TENM3: variants seen among roughly 807,000 people sequenced by gnomAD.
The protein encoded by TENM3 is teneurin transmembrane protein 3, also known as teneurin-3.
Under a neutral mutation model 255.1 loss-of-function variants are expected in TENM3, and 63 were observed. That is an observed-to-expected ratio of 0.25 (90% CI 0.20 to 0.30). The LOEUF (loss-of-function observed/expected upper bound fraction) is 0.30. Ranked by LOEUF, TENM3 falls within the 10% of genes least tolerant of loss-of-function variation. The pLI, the probability that TENM3 is intolerant of heterozygous loss-of-function variation, is 1.00. For missense variants in TENM3, 2,929 were observed against 3,461.1 expected, an observed-to-expected ratio of 0.85 and a Z score of 3.86; for synonymous variants, 1,306 against 1,322.3, an observed-to-expected ratio of 0.99 and a Z score of 0.27.
chr4:182,133,499 T>G, the TENM3 span, among the ~76,000 whole-genome samples: 2 of 152,310 alleles, frequency 1.3e-5, no homozygotes, highest in South Asian at 4.1e-4. Flanking sequence ...AATACATATT[T>G]AAAGGTTCAT....
chr4:182,681,878 T>A lies in TENM3; in HGVS notation c.1899T>A (p.Ser633Arg). Reference sequence around the variant, plus strand: ...GTATCCACGGGGAATGTCACTGCAGTCCAGGATGGGGAGGTAGCAATTGTG... The same window carrying A: ...GTATCCACGGGGAATGTCACTGCAGACCAGGATGGGGAGGTAGCAATTGTG... ...GVCIHGECHC[S>R]PGWGGSNCEI... Residue 633 changes from serine (S) to arginine (R), a missense_variant, in exon 11 of 28, where the codon AGT (serine) becomes AGA (arginine). Transcript: ENST00000511685. 3.1e-6 allele frequency: 5 copies of A among 1,613,924 alleles called. No homozygotes were observed. Among genetic ancestry groups the A allele is most frequent in the Non-Finnish European group, 3.4e-6 (4 of 1,179,840 alleles).
At chr4:182,040,952 GAGAAACTCA>G in the TENM3 span, among the ~76,000 whole-genome samples, 1 of 152,156 alleles carries the variant, frequency 6.6e-6, no homozygotes, top group Admixed American at 6.6e-5. Context: ...TTGCTAAAAT[GAGAAACTCA>G]AGGCATTGAT....
chr4:182,593,717 C>G (rs1746898857), intron 3 of TENM3, among the ~76,000 whole-genome samples: 1 of 152,208 alleles, frequency 6.6e-6, no homozygotes, highest in South Asian at 2.1e-4. Context: ...CCACTCTCCT[C>G]CTTTCCTCTC....
At chr4:181,809,818 A>G in the TENM3 span, among the ~76,000 whole-genome samples, 1 of 152,118 alleles carries the variant, frequency 6.6e-6, no homozygotes, top group Admixed American at 6.6e-5. Context: ...AGGTTATGTG[A>G]GAAGCAGAGA....
the TENM3 span, among the ~76,000 whole-genome samples, chr4:181,853,457 A>G: frequency 6.6e-6 from 1 of 152,194 alleles, no homozygotes; most frequent in Non-Finnish European, 1.5e-5. Context: ...TTGCAACCTA[A>G]TCGTAATTCA....
chr4:182,208,962 CT>C (rs1033277692), intron 1 of TENM3, among the ~76,000 whole-genome samples: 2 of 150,198 alleles, frequency 1.3e-5, no homozygotes, highest in Admixed American at 6.6e-5. Context: ...AGCTGTCCCT[CT>C]TTTTTTTTGT....
the TENM3 span, among the ~76,000 whole-genome samples, chr4:181,547,826 CTTTAAG>C: frequency 1.3e-5 from 2 of 151,006 alleles, no homozygotes; most frequent in African/African-American, 4.9e-5. Context: ...TTTTATTATA[CTTTAAG>C]TTTTAGGGTA....
intron 3 of TENM3, among the ~76,000 whole-genome samples, chr4:182,500,446 T>C (rs1736201742): frequency 6.6e-6 from 1 of 152,168 alleles, no homozygotes; most frequent in South Asian, 2.1e-4. Context: ...CAGTGAGATA[T>C]ATTTCATTTT....
intron 5 of TENM3, among the ~76,000 whole-genome samples, chr4:182,644,495 T>A (rs1274341159): frequency 6.6e-6 from 1 of 152,168 alleles, no homozygotes; most frequent in Non-Finnish European, 1.5e-5. Flanking sequence ...GCCCCCTTTT[T>A]ATTTTATGGG....
At chr4:181,603,696 G>A in the TENM3 span, among the ~76,000 whole-genome samples, 1 of 152,140 alleles carries the variant, frequency 6.6e-6, no homozygotes, top group African/African-American at 2.4e-5. Flanking sequence ...AAGCTGCTTT[G>A]ATAAGTATAA....
intron 3 of TENM3, among the ~76,000 whole-genome samples, chr4:182,396,494 A>G (rs1020178240): frequency 2.6e-5 from 4 of 152,244 alleles, no homozygotes; most frequent in Non-Finnish European, 5.9e-5. Context: ...GCACAGGTAA[A>G]CAAGCAAAAA....
chr4:182,683,010 T>G (rs570237061), intron 11 of TENM3, among the ~76,000 whole-genome samples: 4 of 152,326 alleles, frequency 2.6e-5, no homozygotes, highest in African/African-American at 9.6e-5. Flanking sequence ...AGGAGACTTG[T>G]ATTAACATTT....
the TENM3 span, among the ~76,000 whole-genome samples, chr4:182,138,654 AG>A: frequency 1.3e-5 from 2 of 152,214 alleles, no homozygotes; most frequent in Admixed American, 6.5e-5. Context: ...GGAGGACGAC[AG>A]GGTTTTATAA....
At chr4:181,971,605 C>T in the TENM3 span, among the ~76,000 whole-genome samples, 1 of 151,898 alleles carries the variant, frequency 6.6e-6, no homozygotes, top group African/African-American at 2.4e-5. Context: ...CTCACCCTGT[C>T]TCCCAGGTTG....
At chr4:182,065,923 T>C in the TENM3 span, among the ~76,000 whole-genome samples, 1 of 152,218 alleles carries the variant, frequency 6.6e-6, no homozygotes, top group Non-Finnish European at 1.5e-5. Context: ...ATCCCAGCAA[T>C]ATGCTTTTGG....
the TENM3 span, among the ~76,000 whole-genome samples, chr4:182,058,978 G>GTGTGTGTGTT: frequency 6.6e-6 from 1 of 151,362 alleles, no homozygotes; most frequent in East Asian, 1.9e-4. Flanking sequence ...GTGTGTGTGT[G>GTGTGTGTGTT]TGTTTGTGGC....
chr4:182,299,304 C>G (rs1239280157), intron 1 of TENM3, among the ~76,000 whole-genome samples: 2 of 152,018 alleles, frequency 1.3e-5, no homozygotes, highest in Admixed American at 6.6e-5. Context: ...TTTGATTGGC[C>G]ACTTTCTGAA....
At chr4:182,138,062 G>A in the TENM3 span, among the ~76,000 whole-genome samples, 1 of 152,190 alleles carries the variant, frequency 6.6e-6, no homozygotes, top group African/African-American at 2.4e-5. Context: ...CATGATGATA[G>A]CGAAGTGCAC....
At chr4:182,632,419 C>A (rs909036565) in intron 5 of TENM3, among the ~76,000 whole-genome samples, 2 of 152,016 alleles carry the variant, frequency 1.3e-5, no homozygotes, top group Non-Finnish European at 2.9e-5. Context: ...GTCATTACAT[C>A]TATTTATCTG....
Sources: allele counts gnomAD v4.1 joint callset (sites outside exome capture counted in the v4.1 genomes callset), GRCh38; gene constraint gnomAD v4.1.1; transcripts MANE v1.5; gene names NCBI Gene and HGNC (gene_info 2026-07-23, HGNC 2026-07-21).